CNTLN: variants seen among roughly 807,000 people sequenced by gnomAD.
CNTLN encodes the protein centlein, centrosomal protein.
CNTLN carries 212 observed loss-of-function variants against 180.0 expected under a neutral mutation model. The ratio of observed to expected loss-of-function variants is 1.18; its 90% confidence interval spans 1.05 to 1.32. CNTLN has a LOEUF of 1.32. CNTLN is among the 40% of genes most tolerant of loss of function. The pLI is 0.00. For missense variants in CNTLN, 2,095 were observed against 1,610.9 expected, an observed-to-expected ratio of 1.30 and a Z score of -5.14; for synonymous variants, 722 against 563.1, an observed-to-expected ratio of 1.28 and a Z score of -3.99.
chr9:17,449,754 G>A (rs764319803), intron 18 of CNTLN, among the ~76,000 whole-genome samples: 9 of 152,124 alleles, frequency 5.9e-5, no homozygotes, highest in African/African-American at 1.2e-4. Context: ...ATTAAAATGC[G>A]TTCATTTAGT....
chr9:17,308,058 T>C (rs1818853964), intron 7 of CNTLN, among the ~76,000 whole-genome samples: 1 of 151,532 alleles, frequency 6.6e-6, no homozygotes, highest in East Asian at 1.9e-4. Flanking sequence ...CAGCCACAGA[T>C]ATACATACAG....
At chr9:17,267,790 C>T (rs201254350) in intron 5 of CNTLN, among the ~76,000 whole-genome samples, 3 of 152,172 alleles carry the variant, frequency 2.0e-5, no homozygotes, top group African/African-American at 7.2e-5. Flanking sequence ...TCATTCATTT[C>T]ATCTTCCATC....
At position 17,394,651 on chromosome 9, in the gene CNTLN, C is replaced by G; in HGVS notation, c.2197C>G (p.Gln733Glu). 2 of 1,610,538 alleles carry G rather than the reference C, an allele frequency of 1.2e-6. No homozygotes were observed. The highest frequency in any genetic ancestry group is 1.7e-6 in the Non-Finnish European group (2 of 1,178,582). Residue 733 changes from glutamine (Q) to glutamate (E), a missense_variant, in exon 15 of 26, where the codon CAA becomes GAA. Transcript: ENST00000380647. ...TCTGAAATCCCTCTTAAAACAGCAA[C>G]AAGAAGATACAGAGACCAGAGAAAA... ...DFLKSLLKQQ[Q>E]EDTETREKEL...
At chr9:17,291,317 C>T (rs1156398582) in intron 6 of CNTLN, among the ~76,000 whole-genome samples, 1 of 152,062 alleles carries the variant, frequency 6.6e-6, no homozygotes, top group South Asian at 2.1e-4. Context: ...AGATATTTAT[C>T]AGGTCCACTT....
chr9:17,324,888 G>A (rs1007857293), intron 8 of CNTLN, among the ~76,000 whole-genome samples: 3 of 151,936 alleles, frequency 2.0e-5, no homozygotes, highest in Non-Finnish European at 4.4e-5. Flanking sequence ...CGGAGATGGT[G>A]ATAGTTTATT....
At chr9:17,476,220 G>T (rs144788242) in intron 23 of CNTLN, among the ~76,000 whole-genome samples, 6 of 152,172 alleles carry the variant, frequency 3.9e-5, no homozygotes, top group Non-Finnish European at 8.8e-5. Context: ...CAGTGAAATT[G>T]ATAGATAAAT....
chr9:17,192,450 G>A (rs1444949153), intron 2 of CNTLN, among the ~76,000 whole-genome samples: 1 of 151,888 alleles, frequency 6.6e-6, no homozygotes, highest in Admixed American at 6.6e-5. Flanking sequence ...CATTGGCCAA[G>A]CTGGTCTTGA....
intron 13 of CNTLN, among the ~76,000 whole-genome samples, chr9:17,381,646 C>T (rs994994434): frequency 9.2e-5 from 14 of 152,300 alleles, no homozygotes; most frequent in African/African-American, 3.4e-4. Context: ...TTCTGTATCC[C>T]ATCAGCTTTT....
At chr9:17,498,127 T>C (rs958208135) in intron 25 of CNTLN, among the ~76,000 whole-genome samples, 1 of 152,174 alleles carries the variant, frequency 6.6e-6, no homozygotes, top group African/African-American at 2.4e-5. Flanking sequence ...AATGGCCAAA[T>C]TGTTAATTTT....
At chr9:17,511,464 A>G in the CNTLN span, among the ~76,000 whole-genome samples, 1 of 152,130 alleles carries the variant, frequency 6.6e-6, no homozygotes, top group Non-Finnish European at 1.5e-5. Flanking sequence ...GCAAGGCTTG[A>G]CTCAGAAGGA....
At chr9:17,369,051 C>T (rs1054223303) in intron 13 of CNTLN, among the ~76,000 whole-genome samples, 6 of 152,200 alleles carry the variant, frequency 3.9e-5, no homozygotes, top group African/African-American at 1.4e-4. Context: ...ACCCCAGACT[C>T]ATCTTGAATT....
At chr9:17,479,675 T>A (rs1359066255) in intron 23 of CNTLN, among the ~76,000 whole-genome samples, 1 of 152,138 alleles carries the variant, frequency 6.6e-6, no homozygotes, top group African/African-American at 2.4e-5. Flanking sequence ...GTAGGTCTCA[T>A]GCTAAGTATT....
chr9:17,480,930 A>G (rs1481001776), intron 23 of CNTLN, among the ~76,000 whole-genome samples: 1 of 152,220 alleles, frequency 6.6e-6, no homozygotes, highest in Non-Finnish European at 1.5e-5. Flanking sequence ...ATCTTAAGCT[A>G]TGTGTGTAAT....
chr9:17,312,803 G>A (rs1819291923), intron 8 of CNTLN, among the ~76,000 whole-genome samples: 1 of 152,032 alleles, frequency 6.6e-6, no homozygotes, highest in Admixed American at 6.6e-5. Flanking sequence ...CAACTACTGG[G>A]CAGAGTGCTC....
At chr9:17,340,767 G>T in intron 10 of CNTLN, 60 bp from the exon 11 acceptor site, 3 of 1,414,614 alleles carry the variant, frequency 2.1e-6, no homozygotes, top group South Asian at 1.5e-5. Context: ...CCTTTTATTT[G>T]AAACATTATA....
At chr9:17,233,757 G>A (rs1824955255) in intron 3 of CNTLN, among the ~76,000 whole-genome samples, 1 of 152,072 alleles carries the variant, frequency 6.6e-6, no homozygotes, top group Non-Finnish European at 1.5e-5. Context: ...ATAAATTTGG[G>A]AACATATGTT....
intron 18 of CNTLN, among the ~76,000 whole-genome samples, chr9:17,445,697 C>T (rs534625367): frequency 6.6e-6 from 1 of 152,140 alleles, no homozygotes; most frequent in Non-Finnish European, 1.5e-5. Flanking sequence ...CAGGTATTGT[C>T]CAAGGTTTCT....
At chr9:17,429,768 C>T (rs986998619) in intron 18 of CNTLN, among the ~76,000 whole-genome samples, 1 of 151,824 alleles carries the variant, frequency 6.6e-6, no homozygotes, top group Admixed American at 6.6e-5. Flanking sequence ...TCATCCTGCA[C>T]AGATTTTTAA....
At chr9:17,296,802 A>T (rs1817974636) in intron 6 of CNTLN, among the ~76,000 whole-genome samples, 1 of 152,082 alleles carries the variant, frequency 6.6e-6, no homozygotes, top group Admixed American at 6.6e-5. Context: ...ATATCCATGT[A>T]TCTGTATGGA....
Sources: allele counts gnomAD v4.1 joint callset (sites outside exome capture counted in the v4.1 genomes callset), GRCh38; gene constraint gnomAD v4.1.1; transcripts MANE v1.5; gene names NCBI Gene and HGNC (gene_info 2026-07-23, HGNC 2026-07-21).